RNF4: variants seen among roughly 807,000 people sequenced by gnomAD.
RNF4 encodes E3 ubiquitin-protein ligase RNF4.
RNF4 carries 7 observed loss-of-function variants against 24.3 expected under a neutral mutation model. The observed-to-expected ratio is 0.29, with a 90% CI of 0.16 to 0.54. The LOEUF is 0.54. RNF4 is among the 20% of genes least tolerant of loss of function. The pLI, the probability that RNF4 is intolerant of heterozygous loss-of-function variation, is 0.95. For missense variants in RNF4, 209 were observed against 248.5 expected, an observed-to-expected ratio of 0.84 and a Z score of 1.07; for synonymous variants, 83 against 84.3, an observed-to-expected ratio of 0.98 and a Z score of 0.09.
chr4:2,500,419 A>T (rs2108769986), intron 3 of RNF4, among the ~76,000 whole-genome samples: 1 of 152,274 alleles, frequency 6.6e-6, no homozygotes, highest in East Asian at 1.9e-4. Context: ...ACACATACAT[A>T]ACCCCCCAGG....
Position 2,515,148 on chromosome 4 carries a change from G to A in RNF4, c.*1329G>A, listed in dbSNP as rs1736381144. 2 of 152,622 alleles carry A rather than the reference G, an allele frequency of 1.3e-5. No individual in the cohort carries two copies. The highest frequency in any genetic ancestry group is 1.5e-5 in the Non-Finnish European group (1 of 68,058). 9.5% of individuals were successfully genotyped at this position (152,622 alleles called of 1,614,324 possible). A position where few individuals can be genotyped will look rare whatever the true frequency, so the allele number is the denominator to read the frequency against. ...TCAGAGGGCCTCACGCCAAACAAAC[G>A]GCCTTTTCGTGTGAAACATCTTCAG... is the stretch of plus-strand genomic sequence containing the variant. On this transcript the variant is annotated 3_prime_UTR_variant, in exon 8 of 8. Coordinates refer to ENST00000314289, the MANE Select transcript of RNF4 (RefSeq NM_002938.5).
At chr4:2,482,975 C>T (rs892812790) in intron 1 of RNF4, among the ~76,000 whole-genome samples, 14 of 152,294 alleles carry the variant, frequency 9.2e-5, no homozygotes, top group South Asian at 2.1e-4. Context: ...TGCTGAGAGC[C>T]GGAAACATTG....
intron 1 of RNF4, among the ~76,000 whole-genome samples, chr4:2,482,856 A>G (rs1735283188): frequency 1.3e-5 from 2 of 150,310 alleles, no homozygotes; most frequent in South Asian, 2.1e-4. Context: ...ACTGCCTGTC[A>G]TTGGCTGTGT....
intron 1 of RNF4, among the ~76,000 whole-genome samples, chr4:2,488,307 T>G (rs1444957748): frequency 1.3e-5 from 2 of 151,926 alleles, no homozygotes; most frequent in Non-Finnish European, 2.9e-5. Context: ...CTACTAAAAG[T>G]AGAAAAATTA....
intron 2 of RNF4, among the ~76,000 whole-genome samples, chr4:2,494,411 C>T (rs1250137090): frequency 7.4e-6 from 1 of 135,930 alleles, no homozygotes; most frequent in African/African-American, 2.7e-5. Context: ...GAGTCTCACT[C>T]TGTCGCCCAG....
chr4:2,483,543 C>T (rs1252123458), intron 1 of RNF4, among the ~76,000 whole-genome samples: 2 of 152,178 alleles, frequency 1.3e-5, no homozygotes, highest in East Asian at 3.9e-4. Context: ...GTGGCTCACA[C>T]CTATAATCCC....
At chr4:2,483,132 C>G (rs1735293138) in intron 1 of RNF4, among the ~76,000 whole-genome samples, 1 of 152,198 alleles carries the variant, frequency 6.6e-6, no homozygotes, top group Non-Finnish European at 1.5e-5. Flanking sequence ...AGGATATATG[C>G]TCCATGGGTA....
intron 1 of RNF4, chr4:2,480,303 C>A (rs542041439): frequency 1.4e-5 from 2 of 143,872 alleles, no homozygotes; most frequent in East Asian, 4.0e-4. Flanking sequence ...GACAAAGTCT[C>A]AGTCTGTCAC....
chr4:2,469,327 T>A lies in RNF4; in HGVS notation c.-158+69T>A, dbSNP rs1734815261. 1.3e-5 allele frequency: 2 copies of A among 152,066 alleles called. 1 individual carries two copies. Among genetic ancestry groups the A allele is most frequent in the Admixed American group, 1.3e-4 (2 of 15,290 alleles). The allele number at this position is 152,066 out of a possible 1,614,324, so 9.4% of individuals were successfully genotyped here. Reference sequence around the variant, plus strand: ...GCCTACAGAGGCCTCGGCCCGCGCCTCTTGGGGGAGCCGCGCTGCGCGGCT... The same window carrying A: ...GCCTACAGAGGCCTCGGCCCGCGCCACTTGGGGGAGCCGCGCTGCGCGGCT... On this transcript the variant is annotated intron_variant, in intron 1 of 7. Transcript: ENST00000314289.
chr4:2,482,438 G>A (rs1619657), intron 1 of RNF4, among the ~76,000 whole-genome samples: 2 of 152,148 alleles, frequency 1.3e-5, no homozygotes, highest in African/African-American at 4.8e-5. Flanking sequence ...GGATGTTGAC[G>A]GCCTCTAGCA....
chr4:2,499,897 C>T (rs1735855961), intron 3 of RNF4, among the ~76,000 whole-genome samples: 1 of 152,156 alleles, frequency 6.6e-6, no homozygotes, highest in Admixed American at 6.5e-5. Flanking sequence ...TGGCTCACGC[C>T]TGTAATCCCA....
chr4:2,490,592 A>G (rs1020695279), intron 2 of RNF4, 90 bp downstream of exon 2: 9 of 1,379,202 alleles, frequency 6.5e-6, no homozygotes, highest in Non-Finnish European at 9.1e-6. Context: ...TGAGTTCCAT[A>G]ATGTCACTTC....
chr4:2,513,178 C>G (rs1473668470), intron 7 of RNF4, 47 bp downstream of exon 7: 4 of 1,559,234 alleles, frequency 2.6e-6, no homozygotes, highest in Non-Finnish European at 3.5e-6. Context: ...TTCTAAACTT[C>G]ACTGAAAGAA....
intron 4 of RNF4, among the ~76,000 whole-genome samples, chr4:2,501,357 C>T (rs981699149): frequency 3.3e-5 from 5 of 152,338 alleles, no homozygotes; most frequent in Middle Eastern, 3.4e-3. Flanking sequence ...CTTAGCATGG[C>T]CTCAGGGGAT....
intron 1 of RNF4, chr4:2,489,688 G>A (rs985660233): frequency 1.2e-4 from 18 of 152,250 alleles, no homozygotes; most frequent in Non-Finnish European, 8.8e-5. Flanking sequence ...TGTGCTCAGG[G>A]CTTTGTGGCT....
intron 1 of RNF4, among the ~76,000 whole-genome samples, chr4:2,478,560 A>G (rs1440343486): frequency 1.3e-5 from 2 of 152,236 alleles, no homozygotes; most frequent in Non-Finnish European, 2.9e-5. Context: ...AGCTGTGGCC[A>G]AAAGGGGCCA....
chr4:2,477,499 T>C (rs1316119195), intron 1 of RNF4, among the ~76,000 whole-genome samples: 1 of 152,082 alleles, frequency 6.6e-6, no homozygotes, highest in Non-Finnish European at 1.5e-5. Flanking sequence ...GCAGGAGAAT[T>C]GCTTGAACCC....
Position 2,498,169 on chromosome 4 carries a change from C to T in RNF4, c.124+1048C>T, listed in dbSNP as rs556596058. 3.9e-5 allele frequency among the ~76,000 whole-genome samples: 6 copies of T among 152,190 alleles called. No homozygotes were observed. In the South Asian group the frequency reaches 1.2e-3, roughly 32 times the overall value. ...ACCCCTGTGTGTACTTAGGGCTGCC[C>T]ATTAGAGCACTGTTTTGTTTTTGTT... On this transcript the variant is annotated intron_variant, in intron 3 of 7. Transcript: ENST00000314289.
rs550481268 is a variant in RNF4 at position 2,512,272 on chromosome 4, C to T, written c.215-166C>T. 2.4e-5 allele frequency: 20 copies of T among 841,844 alleles called. No homozygotes were observed. The East Asian group carries it at 3.7e-4, about 16-fold the overall frequency. 52.1% of individuals were successfully genotyped at this position (841,844 alleles called of 1,614,324 possible). ...TCCTGGGAAGATAAGATAGTGGCCTCCAGAGCTGGGCAGAACCTTCTGGGT... is the reference window on the plus strand; with the variant it reads ...TCCTGGGAAGATAAGATAGTGGCCTTCAGAGCTGGGCAGAACCTTCTGGGT... On this transcript the variant is annotated intron_variant, in intron 5 of 7. Coordinates refer to ENST00000314289, the MANE Select transcript of RNF4 (RefSeq NM_002938.5). This position sits in a 1 kb window ranked among gnomAD's most constrained non-coding sequence, Gnocchi z 4.1.
Sources: gnomAD v4.1 joint callset for allele counts (sites outside exome capture counted in the v4.1 genomes callset) on GRCh38, gnomAD v4.1.1 for gene constraint, Gnocchi (gnomAD v3.1) non-coding constraint, MANE v1.5 for transcripts, NCBI Gene and HGNC (gene_info 2026-07-23, HGNC 2026-07-21) for gene names.